The following ARFGEF2 variants were observed in gnomAD, a reference collection of about 807,000 sequenced individuals.
The protein encoded by ARFGEF2 is brefeldin A-inhibited guanine nucleotide-exchange protein 2.
A neutral mutation model predicts 219.9 loss-of-function variants in ARFGEF2; 74 were observed. The ratio of observed to expected loss-of-function variants is 0.34; its 90% CI spans 0.28 to 0.41. ARFGEF2 has a LOEUF of 0.41. ARFGEF2 is among the 10% of genes least tolerant of loss of function. ARFGEF2 has a pLI of 1.00. For missense variants in ARFGEF2, 1,743 were observed against 2,218.3 expected (o/e 0.79, Z 4.30); for synonymous variants, 733 against 799.2 (o/e 0.92, Z 1.40).
intron 25 of ARFGEF2, among the ~76,000 whole-genome samples, chr20:48,999,065 G>A (rs1400299988): frequency 2.0e-5 from 3 of 152,064 alleles, no homozygotes; most frequent in Admixed American, 6.5e-5. Context: ...GTGAAACCCC[G>A]TCACCATTAA....
In ARFGEF2 at chr20:49,017,273, G is replaced by A. The variant is rs781194740; in HGVS notation, c.4340G>A (p.Gly1447Asp). The A allele has an allele frequency of 6.2e-7, 1 of 1,613,988 alleles. No individual in the cohort carries two copies. The highest frequency in any genetic ancestry group is 8.5e-7 in the Non-Finnish European group (1 of 1,179,946). The change falls in exon 32 of 39, where the codon GGT becomes GAT. Residue 1447 changes from glycine (G) to aspartate (D), a missense_variant. Transcript: ENST00000371917. The part of the protein sequence containing the change: ...KQDNEQLARS[G>D]TNCLENLVIS... ...GATAATGAACAGTTGGCGCGATCAG[G>A]TACAAATTGCTTAGAAAACTTAGTA...
chr20:49,015,638 A>G (rs2091525228), intron 30 of ARFGEF2, among the ~76,000 whole-genome samples: 1 of 152,228 alleles, frequency 6.6e-6, no homozygotes, highest in Non-Finnish European at 1.5e-5. Flanking sequence ...ACGTACCACT[A>G]AGCTGACCTG....
rs150462036 is a variant in ARFGEF2, at chr20:49,015,037, A to G, written c.4179+1077A>G. On this transcript the variant is annotated intron_variant, in intron 30 of 38. Transcript: ENST00000371917. ...GAATTCCAACACACGTATATAAACT[A>G]CTTCTTAAACTTAATACATGAGTAT... Among the ~76,000 whole-genome samples, 303 of 152,260 alleles carry G rather than the reference A, an allele frequency of 2.0e-3. 2 individuals carry two copies. The highest frequency in any genetic ancestry group is 7.0e-3 in the African/African-American group (289 of 41,548).
At chr20:48,925,125 A>G (rs777409105) in intron 1 of ARFGEF2, among the ~76,000 whole-genome samples, 1 of 152,302 alleles carries the variant, frequency 6.6e-6, no homozygotes, top group African/African-American at 2.4e-5. Flanking sequence ...CCTAAACTCA[A>G]TGAAGACAGG....
chr20:48,965,135 T>G (rs2091179723), intron 7 of ARFGEF2, among the ~76,000 whole-genome samples: 1 of 152,232 alleles, frequency 6.6e-6, no homozygotes, highest in Admixed American at 6.5e-5. Context: ...TAGATTTGTT[T>G]CTGGGATCTA....
chr20:49,007,638 C>A (rs760583200), intron 26 of ARFGEF2, among the ~76,000 whole-genome samples: 2 of 141,140 alleles, frequency 1.4e-5, no homozygotes, highest in East Asian at 4.2e-4. Flanking sequence ...AGCTCCCAAG[C>A]TGGATGCCAG....
chr20:49,033,274 A>G lies in ARFGEF2; in HGVS notation c.*75A>G. On this transcript the variant is annotated 3_prime_UTR_variant, in exon 39 of 39. Transcript: ENST00000371917. ...CATTTCTGACTGGCACATCTCGTGA[A>G]GTTTCATAGAAACAAGGAGTTGGCA... The G allele has an allele frequency of 1.3e-6, 2 of 1,555,566 alleles. No homozygotes were observed. Among genetic ancestry groups the G allele is most frequent in the Non-Finnish European group, 1.8e-6 (2 of 1,132,872 alleles).
At chr20:48,948,636 A>G (rs572694901) in intron 3 of ARFGEF2, among the ~76,000 whole-genome samples, 4 of 152,344 alleles carry the variant, frequency 2.6e-5, no homozygotes, top group East Asian at 1.9e-4. Context: ...GAGGTACAGT[A>G]TGTCCTATTC....
At chr20:49,026,777 G>T (rs2091606430) in intron 36 of ARFGEF2, among the ~76,000 whole-genome samples, 1 of 151,770 alleles carries the variant, frequency 6.6e-6, no homozygotes, top group African/African-American at 2.4e-5. Flanking sequence ...GTAGAAACAG[G>T]GTTTCACCAT....
intron 25 of ARFGEF2, 135 bp downstream of exon 25, chr20:48,998,640 A>G (rs199800158): frequency 3.6e-6 from 3 of 844,672 alleles, no homozygotes; most frequent in Admixed American, 4.6e-5. Flanking sequence ...GCAGTCAAGG[A>G]CAGCTTGATA....
At chr20:48,971,880 A>C (rs1417972495) in intron 10 of ARFGEF2, among the ~76,000 whole-genome samples, 1 of 151,946 alleles carries the variant, frequency 6.6e-6, no homozygotes, top group Non-Finnish European at 1.5e-5. Context: ...CAGCCTGGGC[A>C]ACAGGGCGAG....
At chr20:48,986,256 G>C (rs2091325834) in intron 16 of ARFGEF2, among the ~76,000 whole-genome samples, 1 of 152,194 alleles carries the variant, frequency 6.6e-6, no homozygotes, top group African/African-American at 2.4e-5. Context: ...GAGAATCTGA[G>C]AGATTGAGCA....
In ARFGEF2 at chr20:49,034,300, G is replaced by C. The variant is rs990988078; in HGVS notation, c.*1101G>C. The C allele has an allele frequency of 3.3e-5, 5 of 152,252 alleles. No individual in the cohort carries two copies. The highest frequency in any genetic ancestry group is 1.2e-4 in the African/African-American group (5 of 41,460). 9.4% of individuals were successfully genotyped at this position (152,252 alleles called of 1,614,324 possible). On this transcript the variant is annotated 3_prime_UTR_variant, in exon 39 of 39. Coordinates refer to ENST00000371917, the MANE Select transcript of ARFGEF2 (RefSeq NM_006420.3). Reference sequence around the variant, plus strand: ...CACAGCTGAACTGTGACAATGGCAGGAGGTGGCATGTGCCCAGCACTTCCA... The same window carrying C: ...CACAGCTGAACTGTGACAATGGCAGCAGGTGGCATGTGCCCAGCACTTCCA...
At chr20:48,969,348 T>C in intron 9 of ARFGEF2, 71 bp downstream of exon 9, 2 of 1,611,790 alleles carry the variant, frequency 1.2e-6, no homozygotes, top group East Asian at 2.2e-5. Context: ...TGTTTCACAC[T>C]TCCCTTGTTC....
rs765982548 is a variant in ARFGEF2, at chr20:48,965,981, G to A, written c.1017G>A (p.Gly339=). The A allele has an allele frequency of 1.9e-6, 3 of 1,614,172 alleles. No homozygotes were observed. Among genetic ancestry groups the A allele is most frequent in the South Asian group, 2.2e-5 (2 of 91,088 alleles). Residue 339 remains glycine, a synonymous_variant, in exon 8 of 39, where the codon GGG becomes GGA. Coordinates refer to ENST00000371917, the MANE Select transcript of ARFGEF2 (RefSeq NM_006420.3). ...TTGATGAAAACTCACAGACCAACGG[G>A]ATAGCCGATGACAGGCAGTCCTTGT... ...PGVDENSQTN[G]IADDRQSLSS...
At chr20:48,958,440 CTT>C (rs557036219) in intron 6 of ARFGEF2, among the ~76,000 whole-genome samples, 8 of 144,010 alleles carry the variant, frequency 5.6e-5, no homozygotes, top group African/African-American at 5.1e-5. Flanking sequence ...CTCTGATGTT[CTT>C]TTTTTTTTTT....
Position 49,017,253 on chromosome 20 carries a change from T to C in ARFGEF2, c.4320T>C (p.Asn1440=), listed in dbSNP as rs758848307. ...AGATACTGCTTTATTTTACAGATAA[T>C]GAACAGTTGGCGCGATCAGGTACAA... ...AQLQWCVKQD[N]EQLARSGTNC... is the part of the protein sequence containing the mutation. The change falls in exon 32 of 39, where the codon AAT becomes AAC. Residue 1440 remains asparagine, a synonymous_variant. Transcript: ENST00000371917. 58 of 1,613,832 alleles carry C rather than the reference T, an allele frequency of 3.6e-5. 1 individual carries two copies. The South Asian group carries it at 4.3e-4, about 12-fold the overall frequency.
rs1428235255 is a variant in ARFGEF2, at chr20:49,034,566, C to G, written c.*1367C>G. Reference sequence around the variant, plus strand: ...CACCCACTGCTCACCTAGAGCATCGCTGAGCGTTAGACAAAGTGTTACACA... The same window carrying G: ...CACCCACTGCTCACCTAGAGCATCGGTGAGCGTTAGACAAAGTGTTACACA... On this transcript the variant is annotated 3_prime_UTR_variant, in exon 39 of 39. Transcript: ENST00000371917. 1 of 152,214 alleles carries G rather than the reference C, an allele frequency of 6.6e-6. No individual in the cohort carries two copies. The highest frequency in any genetic ancestry group is 1.5e-5 in the Non-Finnish European group (1 of 68,050). The allele number at this position is 152,214 out of a possible 1,614,324, so 9.4% of individuals were successfully genotyped here.
At chr20:48,994,729 G>T in intron 22 of ARFGEF2, 131 bp downstream of exon 22, 1 of 1,329,102 alleles carries the variant, frequency 7.5e-7, no homozygotes, top group East Asian at 2.5e-5. Context: ...GTTCATGAAT[G>T]CAAGTGGACG....
Sources: allele counts gnomAD v4.1 joint callset (sites outside exome capture counted in the v4.1 genomes callset), GRCh38; gene constraint gnomAD v4.1.1; transcripts MANE v1.5; gene names NCBI Gene and HGNC (gene_info 2026-07-23, HGNC 2026-07-21).